The following UGT1A9 variants were observed in gnomAD, a reference collection of about 807,000 sequenced individuals.
UGT1A9 encodes UDP-glucuronosyltransferase 1A9.
In UGT1A9, 35 loss-of-function variants were observed where a neutral mutation model predicts 45.0. The ratio of observed to expected loss-of-function variants is 0.78; its 90% CI spans 0.59 to 1.03. The LOEUF (loss-of-function observed/expected upper bound fraction) is 1.03, where lower values mean the gene tolerates loss of function less well. Ranked by LOEUF, UGT1A9 falls within the 50% of genes least tolerant of loss-of-function variation. The pLI is 0.00. For missense variants in UGT1A9, 687 were observed against 666.6 expected (o/e 1.03, Z -0.34); for synonymous variants, 278 against 250.6 (o/e 1.11, Z -1.03).
rs765392612 is a variant in UGT1A9 at position 233,671,939 on chromosome 2, C to T, written c.5C>T (p.Ala2Val). Reference protein sequence around the residue: MACTGWTSPLPL... With the variant: MVCTGWTSPLPL... ...GCTCTCAGCTGCAGTTCTCTGATGG[C>T]TTGCACAGGGTGGACCAGCCCCCTT... The change falls in exon 1 of 5, where the codon GCT becomes GTT. Residue 2 changes from alanine to valine, a missense_variant. Physicochemically the swap from Ala to Val is moderately conservative, Grantham distance 64. Coordinates refer to ENST00000354728, the MANE Select transcript of UGT1A9 (RefSeq NM_021027.3). The T allele has an allele frequency of 5.6e-6, 9 of 1,608,192 alleles. No individual in the cohort carries two copies. Among genetic ancestry groups the T allele is most frequent in the Non-Finnish European group, 6.8e-6 (8 of 1,177,016 alleles).
intron 1 of UGT1A9, chr2:233,755,019 T>C (rs1378423497): frequency 1.5e-6 from 2 of 1,304,298 alleles, no homozygotes; most frequent in South Asian, 2.3e-5. Flanking sequence ...GAAGGGGTCC[T>C]TGAAGGGCCT....
chr2:233,762,151 A>G (rs1420565083), intron 1 of UGT1A9, among the ~76,000 whole-genome samples: 1 of 152,124 alleles, frequency 6.6e-6, no homozygotes, highest in Non-Finnish European at 1.5e-5. Context: ...CTTTGCATTA[A>G]TCACATCCAC....
rs958350621 is a variant in UGT1A9 at position 233,758,917 on chromosome 2, C to G, written c.856-8117C>G. ...ACAAATTTGAGTTGTTTTTGCTCAT[C>G]TTTCCCTTTTGACTTCAAATCAGTC... On this transcript the variant is annotated intron_variant, in intron 1 of 4. Coordinates refer to ENST00000354728, the MANE Select transcript of UGT1A9 (RefSeq NM_021027.3). Among the ~76,000 whole-genome samples the G allele has an allele frequency of 5.9e-5, 9 of 152,224 alleles. 1 individual carries two copies. Among genetic ancestry groups the G allele is most frequent in the Admixed American group, 3.3e-4 (5 of 15,286 alleles).
chr2:233,729,342 G>T (rs368262266), intron 1 of UGT1A9: 19 of 1,614,080 alleles, frequency 1.2e-5, no homozygotes, highest in Admixed American at 6.7e-5. Context: ...TCAAAGAAGA[G>T]AACTTTTTCA....
intron 1 of UGT1A9, chr2:233,729,114 G>A: frequency 6.2e-7 from 1 of 1,612,948 alleles, no homozygotes. Context: ...AGCTGTCCGT[G>A]TCTTCTGCTG....
intron 1 of UGT1A9, among the ~76,000 whole-genome samples, chr2:233,710,483 T>A (rs375891523): frequency 3.9e-5 from 6 of 152,358 alleles, no homozygotes; most frequent in South Asian, 4.1e-4. Flanking sequence ...AGAATTTCAT[T>A]GGGTTTGAAT....
chr2:233,688,007 T>C (rs1384823044), intron 1 of UGT1A9, among the ~76,000 whole-genome samples: 1 of 152,242 alleles, frequency 6.6e-6, no homozygotes, highest in Non-Finnish European at 1.5e-5. Context: ...TGCTCCCAGA[T>C]ACAATCAACC....
intron 1 of UGT1A9, among the ~76,000 whole-genome samples, chr2:233,694,882 G>T (rs2075245921): frequency 6.6e-6 from 1 of 152,096 alleles, no homozygotes; most frequent in Admixed American, 6.5e-5. Context: ...CACATTTGGG[G>T]GGTTCATGTG....
At chr2:233,716,104 T>A (rs1411406439) in intron 1 of UGT1A9, among the ~76,000 whole-genome samples, 1 of 152,220 alleles carries the variant, frequency 6.6e-6, no homozygotes, top group Non-Finnish European at 1.5e-5. Flanking sequence ...TAACAGAAAT[T>A]TAGTTTTTCC....
At chr2:233,760,573 G>C (rs1208621089) in intron 1 of UGT1A9, 1 of 1,614,170 alleles carries the variant, frequency 6.2e-7, no homozygotes, top group Non-Finnish European at 8.5e-7. Flanking sequence ...TGTTAGTCTC[G>C]GGCATAATGT....
intron 1 of UGT1A9, among the ~76,000 whole-genome samples, chr2:233,731,276 TTTTC>T (rs980011036): frequency 8.2e-5 from 12 of 146,468 alleles, no homozygotes; most frequent in African/African-American, 2.6e-4. Flanking sequence ...CCCTTCCAGT[TTTTC>T]TTTCTTTTTT....
chr2:233,676,509 GT>G (rs1559336596), intron 1 of UGT1A9, among the ~76,000 whole-genome samples: 1 of 152,146 alleles, frequency 6.6e-6, no homozygotes, highest in Non-Finnish European at 1.5e-5. Context: ...GCTAAAGTCT[GT>G]TTCCTTCAGA....
chr2:233,724,419 C>T (rs1157534469), intron 1 of UGT1A9, among the ~76,000 whole-genome samples: 13 of 129,206 alleles, frequency 1.0e-4, no homozygotes, highest in South Asian at 3.0e-4. Flanking sequence ...GGCTGCCGGG[C>T]GGAGAGGCTC....
chr2:233,739,944 C>T (rs937638963), intron 1 of UGT1A9, among the ~76,000 whole-genome samples: 6 of 151,864 alleles, frequency 4.0e-5, no homozygotes, highest in Admixed American at 3.3e-4. Flanking sequence ...AGGTTGGTAC[C>T]TGGTGGGAGC....
At position 233,765,866 on chromosome 2, in the gene UGT1A9, G is replaced by A. The variant is rs1008092006; in HGVS notation, c.856-1168G>A. On this transcript the variant is annotated intron_variant, in intron 1 of 4. Transcript: ENST00000354728. ...TCCCCCTCACAGAGCATGTGACAGCGGGAGGGGCTCACTTTCTCAGTGCGC... is the reference window on the plus strand; with the variant it reads ...TCCCCCTCACAGAGCATGTGACAGCAGGAGGGGCTCACTTTCTCAGTGCGC... Among the ~76,000 whole-genome samples the A allele has an allele frequency of 3.3e-5, 5 of 152,054 alleles. No homozygotes were observed. The East Asian group carries it at 5.8e-4, about 18-fold the overall frequency.
At chr2:233,751,930 T>G (rs1477221297) in intron 1 of UGT1A9, among the ~76,000 whole-genome samples, 5 of 152,152 alleles carry the variant, frequency 3.3e-5, no homozygotes, top group African/African-American at 7.2e-5. Context: ...TGGTGGTGAT[T>G]GAAGTTATAC....
chr2:233,713,197 T>C (rs763203503), intron 1 of UGT1A9: 21 of 1,614,042 alleles, frequency 1.3e-5, no homozygotes, highest in South Asian at 8.8e-5. Flanking sequence ...AATATGTACA[T>C]CAAAGAAGAG....
intron 1 of UGT1A9, chr2:233,693,303 C>T (rs767883759): frequency 3.1e-6 from 5 of 1,614,124 alleles, no homozygotes; most frequent in Non-Finnish European, 1.7e-6. Context: ...AATCACTTTG[C>T]TGAGCGATCA....
chr2:233,710,135 T>C (rs560967814), intron 1 of UGT1A9, among the ~76,000 whole-genome samples: 1 of 152,360 alleles, frequency 6.6e-6, no homozygotes, highest in African/African-American at 2.4e-5. Context: ...AGCATTTCAT[T>C]GTATAGATAT....
Sources: gnomAD v4.1 joint callset for allele counts (sites outside exome capture counted in the v4.1 genomes callset) on GRCh38, gnomAD v4.1.1 for gene constraint, MANE v1.5 for transcripts, NCBI Gene and HGNC (gene_info 2026-07-23, HGNC 2026-07-21) for gene names.